The following IMPG1 variants were observed in gnomAD, a reference collection of about 807,000 sequenced individuals.
IMPG1 encodes the protein interphotoreceptor matrix proteoglycan of 150 kDa.
Under a neutral mutation model 92.0 loss-of-function variants are expected in IMPG1, and 85 were observed. The ratio of observed to expected loss-of-function variants is 0.92; its 90% CI spans 0.78 to 1.11. The LOEUF (loss-of-function observed/expected upper bound fraction) is 1.11, where lower values mean the gene tolerates loss of function less well. Among genes scored for constraint, IMPG1 ranks in the 50% least tolerant of loss-of-function variants. IMPG1 has a pLI of 0.00. For synonymous variants in IMPG1, 367 were observed against 334.1 expected (o/e 1.10, Z -1.08); for missense variants, 1,022 against 956.0 (o/e 1.07, Z -0.91).
At chr6:76,044,173 C>T (rs568715556) in intron 1 of IMPG1, among the ~76,000 whole-genome samples, 184 of 152,146 alleles carry the variant, frequency 1.2e-3, no homozygotes, top group African/African-American at 3.6e-3. Context: ...GGATAGGAGC[C>T]GAGCACACAG....
intron 1 of IMPG1, among the ~76,000 whole-genome samples, chr6:76,066,458 G>C (rs1562390603): frequency 1.3e-5 from 2 of 152,020 alleles, no homozygotes; most frequent in Non-Finnish European, 2.9e-5. Context: ...GCAGTAAAAA[G>C]AGACAAAGCA....
chr6:75,924,713 A>AATATAATT lies in IMPG1; in HGVS notation c.2244-1008_2244-1007insAATTATAT, dbSNP rs1781516340. The stretch of plus-strand genomic sequence containing the variant: ...ATATAAATAATTATATATAATATAT[A>AATATAATT]ATATATAATATAATTATATATAATA... On this transcript the variant is annotated intron_variant, in intron 15 of 16. Transcript: ENST00000369950. 2.1e-4 allele frequency among the ~76,000 whole-genome samples: 2 copies of AATATAATT among 9,448 alleles called. 1 individual carries two copies. Among genetic ancestry groups the AATATAATT allele is most frequent in the African/African-American group, 6.5e-4 (2 of 3,064 alleles). The allele number at this position is 9,448 out of a possible 152,430, so 6.2% of individuals were successfully genotyped here.
At chr6:75,960,654 C>A (rs1018893415) in intron 12 of IMPG1, among the ~76,000 whole-genome samples, 2 of 152,102 alleles carry the variant, frequency 1.3e-5, no homozygotes, top group East Asian at 1.9e-4. Flanking sequence ...ATTATCCAAA[C>A]CTTATCACTA....
intron 1 of IMPG1, among the ~76,000 whole-genome samples, chr6:76,062,799 T>G (rs1474453014): frequency 6.6e-6 from 1 of 151,418 alleles, no homozygotes; most frequent in Admixed American, 6.6e-5. Context: ...TATTCACAGA[T>G]CTAACACATC....
Position 75,950,941 on chromosome 6 carries a change from G to A in IMPG1, c.1445C>T (p.Pro482Leu), listed in dbSNP as rs953770965. 1.9e-6 allele frequency: 3 copies of A among 1,613,858 alleles called. No homozygotes were observed. Among genetic ancestry groups the A allele is most frequent in the Non-Finnish European group, 2.5e-6 (3 of 1,179,954 alleles). ...QTMLVPGLTI[P>L]TSDYSAISQL... ...GCTGATTGCAGAATAATCACTGGTG[G>A]GGATGGTGAGCCCTGGTACTAGCAT... The change falls in exon 13 of 17, where the codon CCC becomes CTC. Residue 482 changes from proline to leucine, a missense_variant. Coordinates refer to ENST00000369950, the MANE Select transcript of IMPG1 (RefSeq NM_001563.4).
chr6:76,018,941 G>T, intron 6 of IMPG1, 83 bp from the exon 7 acceptor site: 1 of 1,250,266 alleles, frequency 8.0e-7, no homozygotes, highest in African/African-American at 1.5e-5. Flanking sequence ...TGTTGATACT[G>T]TCTCAAGAAG....
chr6:75,961,875 CA>C (rs1782216782), intron 12 of IMPG1, among the ~76,000 whole-genome samples: 1 of 152,036 alleles, frequency 6.6e-6, no homozygotes, highest in South Asian at 2.1e-4. Context: ...TTTTCCCAGG[CA>C]CCTTTTCTTA....
chr6:76,043,120 G>T (rs1377548776), intron 1 of IMPG1, among the ~76,000 whole-genome samples: 2 of 151,994 alleles, frequency 1.3e-5, no homozygotes, highest in Admixed American at 6.6e-5. Context: ...AGGAAAGAGA[G>T]AGTGGCAGAG....
At chr6:76,025,795 A>C (rs1443702196) in intron 4 of IMPG1, among the ~76,000 whole-genome samples, 2 of 152,206 alleles carry the variant, frequency 1.3e-5, no homozygotes, top group Non-Finnish European at 2.9e-5. Flanking sequence ...AATGGTAACT[A>C]GCCAGGAAGT....
At chr6:75,951,220 G>T (rs1782025865) in intron 12 of IMPG1, 126 bp from the exon 13 acceptor site, 2 of 677,014 alleles carry the variant, frequency 3.0e-6, no homozygotes, top group Non-Finnish European at 4.7e-6. Context: ...CATTTCAATA[G>T]TCATTTTTTT....
rs1330723595 is a variant in IMPG1 at position 75,921,333 on chromosome 6, T to A, written c.*756A>T. On this transcript the variant is annotated 3_prime_UTR_variant, in exon 17 of 17. Transcript: ENST00000369950. ...ATAGGAAGACATTGTTCATCTGTGG[T>A]GGAAGACAGGAATTGATTATGTCAT... The A allele has an allele frequency of 6.6e-6, 1 of 152,218 alleles. No individual in the cohort carries two copies. The highest frequency in any genetic ancestry group is 2.4e-5 in the African/African-American group (1 of 41,468). 9.4% of individuals were successfully genotyped at this position (152,218 alleles called of 1,614,324 possible).
intron 4 of IMPG1, among the ~76,000 whole-genome samples, chr6:76,028,711 T>C (rs1783598220): frequency 6.6e-6 from 1 of 152,046 alleles, no homozygotes; most frequent in African/African-American, 2.4e-5. Flanking sequence ...GTGCCTGTAG[T>C]CCCAGCTACT....
intron 12 of IMPG1, among the ~76,000 whole-genome samples, chr6:75,953,598 T>TC (rs1198586034): frequency 1.3e-5 from 2 of 151,398 alleles, no homozygotes; most frequent in East Asian, 3.9e-4. Context: ...ATCCTTTTTT[T>TC]CCCTTTTTAT....
rs141587355 is a variant in IMPG1 at position 76,018,637 on chromosome 6, C to T, written c.807+81G>A. ...AATGCCAGGAGAAGCTGGAACTGTT[C>T]GCCGTAAGGGTTTATGTCCTATCGG... is the stretch of plus-strand genomic sequence containing the variant. On this transcript the variant is annotated intron_variant, in intron 7 of 16. Transcript: ENST00000369950. The T allele has an allele frequency of 8.9e-4, 1,135 of 1,273,462 alleles. 4 individuals carry two copies. The African/African-American group carries it at 0.014, about 16-fold the overall frequency. 78.9% of individuals were successfully genotyped at this position (1,273,462 alleles called of 1,614,324 possible).
intron 1 of IMPG1, among the ~76,000 whole-genome samples, chr6:76,065,045 A>G (rs906685490): frequency 2.0e-5 from 3 of 152,054 alleles, no homozygotes; most frequent in African/African-American, 7.2e-5. Flanking sequence ...ATGTAACTAT[A>G]ATGTATATAC....
At chr6:75,998,006 A>G (rs889124969) in intron 12 of IMPG1, among the ~76,000 whole-genome samples, 1 of 152,178 alleles carries the variant, frequency 6.6e-6, no homozygotes, top group Non-Finnish European at 1.5e-5. Context: ...TATGAGTTGG[A>G]GGTCATCAAG....
At chr6:75,936,002 G>A (rs185141917) in intron 14 of IMPG1, among the ~76,000 whole-genome samples, 2 of 152,280 alleles carry the variant, frequency 1.3e-5, no homozygotes, top group African/African-American at 2.4e-5. Flanking sequence ...ATGTTACACA[G>A]GGACCTCACA....
intron 8 of IMPG1, among the ~76,000 whole-genome samples, chr6:76,008,283 A>G (rs1783129702): frequency 6.6e-6 from 1 of 152,164 alleles, no homozygotes; most frequent in Non-Finnish European, 1.5e-5. Flanking sequence ...AAAAAAGACC[A>G]TTTAGTCACC....
intron 13 of IMPG1, among the ~76,000 whole-genome samples, chr6:75,948,307 A>T (rs1247644942): frequency 6.6e-6 from 1 of 152,172 alleles, no homozygotes; most frequent in Non-Finnish European, 1.5e-5. Context: ...CATCCTAGAG[A>T]TCATTTTTCA....
Sources: allele counts gnomAD v4.1 joint callset (sites outside exome capture counted in the v4.1 genomes callset), GRCh38; gene constraint gnomAD v4.1.1; transcripts MANE v1.5; gene names NCBI Gene and HGNC (gene_info 2026-07-23, HGNC 2026-07-21).